Variants in LSAMP observed in about 807,000 individuals in gnomAD.
LSAMP encodes the protein limbic system associated membrane protein.
Under a neutral mutation model 38.6 loss-of-function variants are expected in LSAMP, and 7 were observed. The observed-to-expected ratio is 0.18, with a 90% CI of 0.10 to 0.34. The LOEUF (loss-of-function observed/expected upper bound fraction) is 0.34. Among genes scored for constraint, LSAMP ranks in the 10% least tolerant of loss-of-function variants. The pLI, the probability that LSAMP is intolerant of heterozygous loss-of-function variation, is 1.00. For synonymous variants in LSAMP, 154 were observed against 166.8 expected (o/e 0.92, Z 0.59); for missense variants, 313 against 420.0 (o/e 0.75, Z 2.23).
intron 3 of LSAMP, among the ~76,000 whole-genome samples, chr3:115,888,209 A>T (rs575800907): frequency 6.6e-6 from 1 of 152,098 alleles, no homozygotes; most frequent in Non-Finnish European, 1.5e-5. Flanking sequence ...TTCTTCTCAT[A>T]AACCATGAAA....
intron 3 of LSAMP, among the ~76,000 whole-genome samples, chr3:115,859,939 A>C (rs1485047643): frequency 6.6e-6 from 1 of 152,146 alleles, no homozygotes; most frequent in Non-Finnish European, 1.5e-5. Flanking sequence ...CTGCCCTTCT[A>C]AATGTGATGC....
intron 3 of LSAMP, among the ~76,000 whole-genome samples, chr3:115,888,511 C>A (rs941973006): frequency 6.6e-6 from 1 of 151,876 alleles, no homozygotes; most frequent in African/African-American, 2.4e-5. Context: ...TCCAGAGTTC[C>A]AAGCATCTCC....
intron 3 of LSAMP, among the ~76,000 whole-genome samples, chr3:115,930,002 G>GATTTTTT (rs1937554601): frequency 1.2e-5 from 1 of 80,292 alleles, no homozygotes; most frequent in Non-Finnish European, 2.2e-5. Context: ...TTTAGCAGAA[G>GATTTTTT]TTTTTTTTTT....
At chr3:116,218,802 C>T (rs1439653270) in intron 1 of LSAMP, among the ~76,000 whole-genome samples, 1 of 152,132 alleles carries the variant, frequency 6.6e-6, no homozygotes, top group Non-Finnish European at 1.5e-5. Flanking sequence ...TGCATACCAC[C>T]GTGCTGGGCT....
intron 1 of LSAMP, among the ~76,000 whole-genome samples, chr3:116,139,065 A>G (rs1339044374): frequency 6.6e-6 from 1 of 151,858 alleles, no homozygotes; most frequent in East Asian, 1.9e-4. Context: ...ATAAGTATAT[A>G]TAATATACAT....
At chr3:116,427,645 C>A (rs953886760) in intron 1 of LSAMP, among the ~76,000 whole-genome samples, 1 of 152,038 alleles carries the variant, frequency 6.6e-6, no homozygotes, top group African/African-American at 2.4e-5. Context: ...AAATACAAAA[C>A]GATAAATTAA....
At chr3:116,018,951 C>A (rs1940559076) in intron 3 of LSAMP, among the ~76,000 whole-genome samples, 1 of 152,064 alleles carries the variant, frequency 6.6e-6, no homozygotes, top group African/African-American at 2.4e-5. Context: ...AAGTCAGAAA[C>A]AATTCTGTAT....
intron 1 of LSAMP, among the ~76,000 whole-genome samples, chr3:116,191,320 T>C (rs1039001969): frequency 1.3e-5 from 2 of 152,198 alleles, no homozygotes; most frequent in African/African-American, 4.8e-5. Flanking sequence ...GGAATCTGCA[T>C]TTTAATAAGA....
intron 3 of LSAMP, among the ~76,000 whole-genome samples, chr3:115,976,788 C>A (rs1179731980): frequency 6.6e-6 from 1 of 152,184 alleles, no homozygotes; most frequent in East Asian, 1.9e-4. Flanking sequence ...CCTCTTAACT[C>A]TCTTTCTCCT....
chr3:116,406,631 G>T (rs750042516), intron 1 of LSAMP, among the ~76,000 whole-genome samples: 2 of 151,998 alleles, frequency 1.3e-5, no homozygotes, highest in Non-Finnish European at 2.9e-5. Flanking sequence ...AGTAGAAAAT[G>T]ATTGCTATTG....
intron 4 of LSAMP, among the ~76,000 whole-genome samples, chr3:115,849,493 G>C (rs1433649680): frequency 6.6e-6 from 1 of 150,524 alleles, no homozygotes; most frequent in Non-Finnish European, 1.5e-5. Context: ...TTTTTTTCTT[G>C]TAGTGGTACT....
chr3:116,209,911 C>G (rs183695224), intron 1 of LSAMP, among the ~76,000 whole-genome samples: 12 of 151,930 alleles, frequency 7.9e-5, no homozygotes, highest in African/African-American at 2.9e-4. Context: ...CCACCTCGCC[C>G]GGCAAAATTT....
intron 1 of LSAMP, among the ~76,000 whole-genome samples, chr3:116,284,995 A>C (rs2047174262): frequency 6.6e-6 from 1 of 152,228 alleles, no homozygotes; most frequent in South Asian, 2.1e-4. Flanking sequence ...ACCTTTGAGT[A>C]GTAAATGACT....
At chr3:116,149,465 C>T (rs1289744607) in intron 1 of LSAMP, among the ~76,000 whole-genome samples, 8 of 151,944 alleles carry the variant, frequency 5.3e-5, no homozygotes, top group Admixed American at 2.0e-4. Flanking sequence ...GAGATAATCC[C>T]TTTCACTCCT....
chr3:116,261,068 A>C (rs2046819984), intron 1 of LSAMP, among the ~76,000 whole-genome samples: 1 of 152,188 alleles, frequency 6.6e-6, no homozygotes, highest in South Asian at 2.1e-4. Context: ...AGCCACATAC[A>C]CCTTGGTATC....
At chr3:116,055,314 A>T (rs1941471449) in intron 2 of LSAMP, among the ~76,000 whole-genome samples, 1 of 152,214 alleles carries the variant, frequency 6.6e-6, no homozygotes, top group South Asian at 2.1e-4. Context: ...GTAACATGCC[A>T]CCTGAAGCCA....
At chr3:116,054,636 C>G (rs1344766262) in intron 2 of LSAMP, among the ~76,000 whole-genome samples, 1 of 152,112 alleles carries the variant, frequency 6.6e-6, no homozygotes, top group East Asian at 1.9e-4. Flanking sequence ...ATAATCAACA[C>G]TGAATAGAAT....
Position 116,186,849 on chromosome 3 carries a change from C to T in LSAMP, c.156-100293G>A, listed in dbSNP as rs1334697412. On this transcript the variant is annotated intron_variant, in intron 1 of 6. Transcript: ENST00000490035. ...GGGCTTGCATCAACTGGATATTATA[C>T]TTGAATCAGTATATTCAAGTCTGTG... Among the ~76,000 whole-genome samples, 2 of 152,178 alleles carry T rather than the reference C, an allele frequency of 1.3e-5. 1 individual carries two copies. Among genetic ancestry groups the T allele is most frequent in the South Asian group, 4.1e-4 (2 of 4,830 alleles).
intron 1 of LSAMP, among the ~76,000 whole-genome samples, chr3:116,252,239 G>A (rs909052844): frequency 3.9e-5 from 6 of 152,168 alleles, no homozygotes; most frequent in South Asian, 2.1e-4. Flanking sequence ...CACATTGATG[G>A]TACCCACTTA....
Sources: allele counts gnomAD v4.1 joint callset (sites outside exome capture counted in the v4.1 genomes callset), GRCh38; gene constraint gnomAD v4.1.1; transcripts MANE v1.5; gene names NCBI Gene and HGNC (gene_info 2026-07-23, HGNC 2026-07-21).